SPMIP11: variants seen among roughly 807,000 people sequenced by gnomAD.
SPMIP11 encodes sperm microtubule inner protein 11, also known as long intergenic non-protein coding RNA 935.
chr12:48,746,453 G>C, the SPMIP11 span, among the ~76,000 whole-genome samples: 7 of 135,698 alleles, frequency 5.2e-5, no homozygotes, highest in African/African-American at 1.9e-4. Context: ...TGCAACCTCC[G>C]CCTCCCAGGT....
the SPMIP11 span, chr12:48,727,645 A>G: frequency 1.5e-6 from 1 of 663,962 alleles, no homozygotes; most frequent in Non-Finnish European, 2.8e-6. Context: ...TTATTTTCCT[A>G]CCTGGGGTTA....
the SPMIP11 span, chr12:48,771,278 A>T: frequency 2.0e-6 from 1 of 489,948 alleles, no homozygotes. The surrounding 1 kb of genome is among the most constrained non-coding windows in gnomAD (Gnocchi z 4.3). Context: ...TCCCAGAGTG[A>T]GCAAGTGACT....
the SPMIP11 span, chr12:48,770,910 T>C: frequency 6.2e-7 from 1 of 1,614,228 alleles, no homozygotes; most frequent in Non-Finnish European, 8.5e-7. Context: ...GAGGCAGCCA[T>C]GTAGGTGCTA....
chr12:48,736,699 G>GT, the SPMIP11 span, among the ~76,000 whole-genome samples: 51,847 of 144,134 alleles, frequency 0.36, 9,797 homozygotes, highest in East Asian at 0.76. Context: ...TGGGTCGCAT[G>GT]TTTTTTTTTT....
chr12:48,728,019 C>G, the SPMIP11 span, among the ~76,000 whole-genome samples: 8 of 150,500 alleles, frequency 5.3e-5, no homozygotes, highest in African/African-American at 2.0e-4. Context: ...CCACCGTACT[C>G]CAGCCTGGGC....
the SPMIP11 span, among the ~76,000 whole-genome samples, chr12:48,745,122 T>A: frequency 6.6e-6 from 1 of 151,256 alleles, no homozygotes; most frequent in African/African-American, 2.4e-5. Context: ...TACAAAAAAA[T>A]TAGCCAGGCT....
chr12:48,742,315 T>C, the SPMIP11 span, among the ~76,000 whole-genome samples: 2 of 132,974 alleles, frequency 1.5e-5, no homozygotes, highest in Non-Finnish European at 3.1e-5. Context: ...GGAGTCTCAC[T>C]CTGTCGCCAA....
At chr12:48,757,354 A>T in the SPMIP11 span, among the ~76,000 whole-genome samples, 1 of 151,950 alleles carries the variant, frequency 6.6e-6, no homozygotes, top group Non-Finnish European at 1.5e-5. Flanking sequence ...TGAATGTATT[A>T]AAAAAAATAT....
chr12:48,763,182 C>T, the SPMIP11 span, among the ~76,000 whole-genome samples: 1 of 152,010 alleles, frequency 6.6e-6, no homozygotes, highest in African/African-American at 2.4e-5. Context: ...CCATTTTTAT[C>T]TATTCGAGAC....
chr12:48,738,294 A>T, the SPMIP11 span, among the ~76,000 whole-genome samples: 3 of 152,184 alleles, frequency 2.0e-5, no homozygotes, highest in Non-Finnish European at 4.4e-5. Flanking sequence ...GTTAATTCAG[A>T]AGCAACTTAT....
the SPMIP11 span, chr12:48,771,434 A>G: frequency 1.8e-6 from 1 of 567,654 alleles, no homozygotes; most frequent in Non-Finnish European, 3.2e-6. The surrounding 1 kb of genome is among the most constrained non-coding windows in gnomAD (Gnocchi z 4.3). Flanking sequence ...CTTCTTCTTC[A>G]GTGACATCCA....
chr12:48,770,063 ATTTTT>A, the SPMIP11 span, among the ~76,000 whole-genome samples: 3 of 112,912 alleles, frequency 2.7e-5, no homozygotes, highest in African/African-American at 1.0e-4. Context: ...GCCCGGCCTA[ATTTTT>A]TTTTTTTTTT....
chr12:48,758,650 A>G, the SPMIP11 span, among the ~76,000 whole-genome samples: 7,805 of 152,206 alleles, frequency 0.051, 610 homozygotes, highest in African/African-American at 0.17. Flanking sequence ...ACTATAATAC[A>G]CCACCTTACC....
chr12:48,733,299 T>A, the SPMIP11 span, among the ~76,000 whole-genome samples: 1 of 151,902 alleles, frequency 6.6e-6, no homozygotes, highest in Admixed American at 6.6e-5. Context: ...GGTCTCAAAC[T>A]CCTGACCTCA....
At chr12:48,737,248 G>A in the SPMIP11 span, among the ~76,000 whole-genome samples, 1 of 151,610 alleles carries the variant, frequency 6.6e-6, no homozygotes, top group African/African-American at 2.4e-5. Context: ...ACATCGCCCG[G>A]TCTCTGGAAA....
chr12:48,767,929 T>A, the SPMIP11 span: 1 of 153,928 alleles, frequency 6.5e-6, no homozygotes, highest in Non-Finnish European at 1.5e-5. Context: ...AAATCTAAGC[T>A]GTCAGAGGTC....
chr12:48,757,778 G>A, the SPMIP11 span, among the ~76,000 whole-genome samples: 1 of 151,984 alleles, frequency 6.6e-6, no homozygotes, highest in Non-Finnish European at 1.5e-5. Context: ...AGGATCACAT[G>A]AGGCCAGGAA....
the SPMIP11 span, chr12:48,769,140 T>C: frequency 2.2e-6 from 3 of 1,371,474 alleles, no homozygotes; most frequent in Non-Finnish European, 2.9e-6. Context: ...CTGGCACTGG[T>C]AGAAGGACCC....
chr12:48,761,118 T>G, the SPMIP11 span, among the ~76,000 whole-genome samples: 4 of 152,116 alleles, frequency 2.6e-5, no homozygotes, highest in African/African-American at 7.2e-5. Flanking sequence ...TTAAAAAGCA[T>G]GTAGCCAGCC....
Sources: gnomAD v4.1 joint callset for allele counts (sites outside exome capture counted in the v4.1 genomes callset) on GRCh38, gnomAD v4.1.1 for gene constraint, Gnocchi (gnomAD v3.1) non-coding constraint, MANE v1.5 for transcripts, NCBI Gene and HGNC (gene_info 2026-07-23, HGNC 2026-07-21) for gene names.